Variants in AGMO observed in about 807,000 individuals in gnomAD.
The protein encoded by AGMO is alkylglycerol monooxygenase.
A neutral mutation model predicts 60.2 loss-of-function variants in AGMO; 75 were observed. The observed-to-expected ratio is 1.25, with a 90% CI of 1.03 to 1.51. The LOEUF is 1.51. AGMO is among the 40% of genes most tolerant of loss of function. AGMO has a pLI of 0.00. For synonymous variants in AGMO, 261 were observed against 177.1 expected (o/e 1.47, Z -3.76); for missense variants, 763 against 525.5 (o/e 1.45, Z -4.42).
chr7:15,472,217 T>G (rs1466099171), intron 3 of AGMO, among the ~76,000 whole-genome samples: 1 of 151,908 alleles, frequency 6.6e-6, no homozygotes, highest in Admixed American at 6.6e-5. Context: ...GGGTTGAAGT[T>G]CTGGCTCAGC....
chr7:15,399,326 AAAC>A (rs1784493924), intron 5 of AGMO, among the ~76,000 whole-genome samples: 2 of 152,184 alleles, frequency 1.3e-5, no homozygotes, highest in African/African-American at 4.8e-5. Context: ...ACTGAAAAGG[AAAC>A]ATGAGTTCAT....
At chr7:15,140,757 T>A in the AGMO span, among the ~76,000 whole-genome samples, 2 of 152,238 alleles carry the variant, frequency 1.3e-5, no homozygotes, top group African/African-American at 4.8e-5. Context: ...TGGATTTTTT[T>A]ACATACTTTT....
At chr7:15,320,238 G>T (rs972020633) in intron 12 of AGMO, among the ~76,000 whole-genome samples, 3 of 151,778 alleles carry the variant, frequency 2.0e-5, no homozygotes, top group Admixed American at 1.3e-4. Context: ...TTTTACACAT[G>T]TACCCTAGAA....
chr7:15,492,853 G>C (rs17168791), intron 3 of AGMO, among the ~76,000 whole-genome samples: 5,052 of 152,110 alleles, frequency 0.033, 265 homozygotes, highest in African/African-American at 0.11. Context: ...CTCTCCTTTT[G>C]GTCGCGCGTT....
At chr7:15,312,966 G>T (rs1430276508) in intron 12 of AGMO, among the ~76,000 whole-genome samples, 1 of 152,130 alleles carries the variant, frequency 6.6e-6, no homozygotes, top group Non-Finnish European at 1.5e-5. Context: ...ACCACATGCA[G>T]CCAAGAATTT....
At chr7:15,352,176 C>T (rs1782265541) in intron 12 of AGMO, among the ~76,000 whole-genome samples, 1 of 152,104 alleles carries the variant, frequency 6.6e-6, no homozygotes, top group Admixed American at 6.5e-5. Context: ...CGAAAGATCA[C>T]CCCGCCATAG....
intron 10 of AGMO, among the ~76,000 whole-genome samples, chr7:15,377,102 T>C (rs563043534): frequency 6.6e-6 from 1 of 152,208 alleles, no homozygotes; most frequent in South Asian, 2.1e-4. Flanking sequence ...CTACAGTGAA[T>C]CTGGAAAAAA....
intron 3 of AGMO, among the ~76,000 whole-genome samples, chr7:15,502,705 C>T (rs956215422): frequency 1.3e-5 from 2 of 151,936 alleles, no homozygotes; most frequent in Non-Finnish European, 2.9e-5. Flanking sequence ...GGTGGTTAGA[C>T]GCTAGGTATG....
At chr7:15,386,002 G>A (rs1408397568) in intron 9 of AGMO, among the ~76,000 whole-genome samples, 1 of 152,022 alleles carries the variant, frequency 6.6e-6, no homozygotes, top group Non-Finnish European at 1.5e-5. Flanking sequence ...CCAACATGGT[G>A]AAACCCCATC....
chr7:15,118,221 C>A, the AGMO span, among the ~76,000 whole-genome samples: 1 of 146,768 alleles, frequency 6.8e-6, no homozygotes, highest in Non-Finnish European at 1.5e-5. Flanking sequence ...TATATACAAA[C>A]AGATAAATAT....
At position 15,344,060 on chromosome 7, in the gene AGMO, G is replaced by A. The variant is rs189238929; in HGVS notation, c.1263+21454C>T. ...TAGACACTTGTCAGACATGGGGATTGATATAAATTAAAATGTAAAATTCCA... is the reference window on the plus strand; with the variant it reads ...TAGACACTTGTCAGACATGGGGATTAATATAAATTAAAATGTAAAATTCCA... On this transcript the variant is annotated intron_variant, in intron 12 of 12. Transcript: ENST00000342526. 3.7e-4 allele frequency among the ~76,000 whole-genome samples: 56 copies of A among 152,234 alleles called. No individual in the cohort carries two copies. The East Asian group carries it at 5.8e-3, about 16-fold the overall frequency.
chr7:15,336,895 A>C (rs1476165077), intron 12 of AGMO, among the ~76,000 whole-genome samples: 1 of 152,222 alleles, frequency 6.6e-6, no homozygotes, highest in African/African-American at 2.4e-5. Context: ...TAATTTTCTC[A>C]AACCACATAA....
the AGMO span, among the ~76,000 whole-genome samples, chr7:15,177,125 T>G: frequency 6.6e-6 from 1 of 152,022 alleles, no homozygotes; most frequent in African/African-American, 2.4e-5. Flanking sequence ...TTAAAAACAT[T>G]TTTTTTGGAT....
At chr7:15,341,211 G>T (rs961605669) in intron 12 of AGMO, among the ~76,000 whole-genome samples, 4 of 152,082 alleles carry the variant, frequency 2.6e-5, no homozygotes, top group Admixed American at 1.3e-4. Context: ...CCAGAAAATG[G>T]ATTTCTTTTC....
intron 3 of AGMO, among the ~76,000 whole-genome samples, chr7:15,494,972 G>A (rs1339037436): frequency 6.6e-6 from 1 of 152,220 alleles, no homozygotes; most frequent in African/African-American, 2.4e-5. Flanking sequence ...TGAGAAGGCA[G>A]CTGCCATAAT....
At chr7:15,527,430 A>G (rs2128538941) in intron 3 of AGMO, among the ~76,000 whole-genome samples, 1 of 152,308 alleles carries the variant, frequency 6.6e-6, no homozygotes, top group East Asian at 1.9e-4. Context: ...AGTCTCTTCA[A>G]TTTTATGAGG....
intron 12 of AGMO, among the ~76,000 whole-genome samples, chr7:15,266,612 C>G (rs931072320): frequency 1.3e-5 from 2 of 151,818 alleles, no homozygotes; most frequent in African/African-American, 4.8e-5. Context: ...CCCACAGTAT[C>G]AGAAAAGTAT....
intron 12 of AGMO, among the ~76,000 whole-genome samples, chr7:15,229,099 T>A (rs1322700494): frequency 6.6e-6 from 1 of 152,082 alleles, no homozygotes; most frequent in Non-Finnish European, 1.5e-5. Context: ...TAGGTAATGC[T>A]CCCTGCCTCC....
rs544348556 is a variant in AGMO at position 15,261,254 on chromosome 7, C to G, written c.1264-59895G>C. 5.9e-5 allele frequency among the ~76,000 whole-genome samples: 9 copies of G among 151,884 alleles called. No individual in the cohort carries two copies. In the South Asian group the frequency reaches 1.9e-3, roughly 32 times the overall value. On this transcript the variant is annotated intron_variant, in intron 12 of 12. Coordinates refer to ENST00000342526, the MANE Select transcript of AGMO (RefSeq NM_001004320.2). The stretch of plus-strand genomic sequence containing the variant: ...GAAAAGATAAATGCAGTTGATAGAC[C>G]GTTAGTGAGATTAACCAAAAAGAGA...
Sources: gnomAD v4.1 joint callset for allele counts (sites outside exome capture counted in the v4.1 genomes callset) on GRCh38, gnomAD v4.1.1 for gene constraint, MANE v1.5 for transcripts, NCBI Gene and HGNC (gene_info 2026-07-23, HGNC 2026-07-21) for gene names.